NEDD9: variants seen among roughly 807,000 people sequenced by gnomAD.
The protein encoded by NEDD9 is neural precursor cell expressed, developmentally down-regulated 9.
In NEDD9, 26 loss-of-function variants were observed where a neutral mutation model predicts 76.6. That is an observed-to-expected ratio of 0.34 (90% CI 0.25 to 0.47). The LOEUF (loss-of-function observed/expected upper bound fraction) is 0.47. Ranked by LOEUF, NEDD9 falls within the 20% of genes least tolerant of loss-of-function variation. The probability of loss-of-function intolerance (pLI) is 1.00; values close to 1 mark genes in which losing one functional copy is unlikely to be tolerated. For missense variants in NEDD9, 937 were observed against 1,058.5 expected (o/e 0.89, Z 1.59); for synonymous variants, 392 against 414.2 (o/e 0.95, Z 0.65).
intron 1 of NEDD9, among the ~76,000 whole-genome samples, chr6:11,363,182 G>A (rs1762707183): frequency 6.6e-6 from 1 of 152,110 alleles, no homozygotes; most frequent in Non-Finnish European, 1.5e-5. Context: ...GCTAGCTATT[G>A]GACACTCTGC....
chr6:11,187,353 A>G (rs1442925164), intron 6 of NEDD9, among the ~76,000 whole-genome samples: 1 of 152,224 alleles, frequency 6.6e-6, no homozygotes, highest in Non-Finnish European at 1.5e-5. Context: ...TTCTAGCAAT[A>G]GTCGTCATTA....
intron 3 of NEDD9, among the ~76,000 whole-genome samples, chr6:11,296,218 T>G (rs965838053): frequency 3.3e-5 from 5 of 152,056 alleles, no homozygotes; most frequent in South Asian, 2.1e-4. Flanking sequence ...AGAGAATAAA[T>G]TTCTGTTGTT....
chr6:11,340,726 A>G (rs1200523520), intron 1 of NEDD9, among the ~76,000 whole-genome samples: 8 of 152,228 alleles, frequency 5.3e-5, no homozygotes, highest in Non-Finnish European at 1.2e-4. Context: ...AGTTTAGTCA[A>G]TAGATTCTCT....
chr6:11,189,670 A>T (rs1758078779), intron 5 of NEDD9, among the ~76,000 whole-genome samples: 1 of 152,170 alleles, frequency 6.6e-6, no homozygotes. Flanking sequence ...ACGGGATCTA[A>T]TCCAACCCCT....
At chr6:11,361,039 A>T (rs1468090654) in intron 1 of NEDD9, among the ~76,000 whole-genome samples, 2 of 152,164 alleles carry the variant, frequency 1.3e-5, no homozygotes. Flanking sequence ...CATTTTTCTT[A>T]TTGCCATTTA....
chr6:11,189,748 A>G (rs891839658), intron 5 of NEDD9, among the ~76,000 whole-genome samples: 1 of 152,170 alleles, frequency 6.6e-6, no homozygotes, highest in Non-Finnish European at 1.5e-5. Context: ...TCACACAGTA[A>G]ACGTCAGAGA....
chr6:11,328,166 T>A (rs1174002279), intron 2 of NEDD9, among the ~76,000 whole-genome samples: 1 of 152,202 alleles, frequency 6.6e-6, no homozygotes, highest in African/African-American at 2.4e-5. Context: ...ACGTGGTGCC[T>A]GGGAGTGCGT....
Position 11,221,569 on chromosome 6 carries a change from G to T in NEDD9, c.13-7842C>A, listed in dbSNP as rs548251633. Reference sequence around the variant, plus strand: ...CAGCCCAGAGGGTCTCAGATTAGCGGCAGAGCCAGAGCTAGCATCTGGTTC... The same window carrying T: ...CAGCCCAGAGGGTCTCAGATTAGCGTCAGAGCCAGAGCTAGCATCTGGTTC... On this transcript the variant is annotated intron_variant, in intron 1 of 6. Transcript: ENST00000379446. Among the ~76,000 whole-genome samples the T allele has an allele frequency of 4.1e-4, 62 of 152,188 alleles. No individual in the cohort carries two copies. In the South Asian group the frequency reaches 1.0e-2, roughly 24 times the overall value.
chr6:11,277,774 G>T (rs1486158164), intron 3 of NEDD9, among the ~76,000 whole-genome samples: 2 of 152,184 alleles, frequency 1.3e-5, no homozygotes, highest in East Asian at 3.9e-4. Flanking sequence ...TTCTACAGCG[G>T]ATGTTGTGTA....
At chr6:11,339,511 G>C (rs1379492194) in intron 1 of NEDD9, among the ~76,000 whole-genome samples, 1 of 152,156 alleles carries the variant, frequency 6.6e-6, no homozygotes, top group African/African-American at 2.4e-5. Context: ...GTTTTATACA[G>C]GTGTGGCCAA....
intron 2 of NEDD9, chr6:11,200,690 T>C (rs1317325846): frequency 8.6e-6 from 11 of 1,277,588 alleles, no homozygotes; most frequent in Non-Finnish European, 3.0e-6. Context: ...AAATGAGATC[T>C]ACGAGGCAGT....
chr6:11,317,422 A>G (rs1761602820), intron 2 of NEDD9, among the ~76,000 whole-genome samples: 1 of 151,702 alleles, frequency 6.6e-6, no homozygotes, highest in South Asian at 2.1e-4. Context: ...TCTCAAAAAA[A>G]TAAATTAAAA....
Position 11,347,820 on chromosome 6 carries a change from ACT to A in NEDD9, c.-213-13261_-213-13260del, listed in dbSNP as rs1456061459. 3.9e-5 allele frequency among the ~76,000 whole-genome samples: 6 copies of A among 152,316 alleles called. No homozygotes were observed. In the East Asian group the frequency reaches 1.2e-3, roughly 29 times the overall value. ...AAATAATAAGAGCCATCTGTGACAAACTCACAGCCAGCACATCACTGAATGGG... is the reference window on the plus strand; with the variant it reads ...AAATAATAAGAGCCATCTGTGACAAACACAGCCAGCACATCACTGAATGGG... On this transcript the variant is annotated intron_variant, in intron 1 of 3. Coordinates refer to the NEDD9 transcript ENST00000397378.
At chr6:11,317,747 C>T (rs1334034888) in intron 2 of NEDD9, among the ~76,000 whole-genome samples, 1 of 152,118 alleles carries the variant, frequency 6.6e-6, no homozygotes, top group Admixed American at 6.5e-5. Flanking sequence ...GCATGCGTGG[C>T]CAGTGCACCC....
intron 1 of NEDD9, among the ~76,000 whole-genome samples, chr6:11,353,760 G>C (rs1361079419): frequency 6.6e-6 from 1 of 152,192 alleles, no homozygotes; most frequent in African/African-American, 2.4e-5. Context: ...AATTAGAGAT[G>C]TATTACATGA....
chr6:11,193,964 AT>A (rs539885391), intron 2 of NEDD9, among the ~76,000 whole-genome samples: 230 of 151,030 alleles, frequency 1.5e-3, no homozygotes, highest in African/African-American at 4.1e-3. Context: ...GGTTCAAGTG[AT>A]TTTCCTGCCT....
chr6:11,213,814 A>G lies in NEDD9; in HGVS notation c.13-87T>C. On this transcript the variant is annotated intron_variant, in intron 1 of 6. Transcript: ENST00000379446. The surrounding 1 kb of genome is among the most constrained non-coding windows in gnomAD (Gnocchi z 5.4). ...AAGGCCCGTGCTCTTATGGAAAGGC[A>G]CACTTCCTGGAAAGAGAGAAGCATA... 2 of 1,168,436 alleles carry G rather than the reference A, an allele frequency of 1.7e-6. No homozygotes were observed. Among genetic ancestry groups the G allele is most frequent in the Non-Finnish European group, 1.2e-6 (1 of 815,778 alleles). The allele number at this position is 1,168,436 out of a possible 1,614,324, so 72.4% of individuals were successfully genotyped here.
chr6:11,327,317 T>C (rs1418016186), intron 2 of NEDD9, among the ~76,000 whole-genome samples: 1 of 152,236 alleles, frequency 6.6e-6, no homozygotes, highest in Non-Finnish European at 1.5e-5. Context: ...CTGAGTGATA[T>C]ATAATGAGTG....
chr6:11,320,974 A>G (rs1446631178), intron 2 of NEDD9, among the ~76,000 whole-genome samples: 1 of 152,010 alleles, frequency 6.6e-6, no homozygotes, highest in East Asian at 1.9e-4. Context: ...CAGGAATAGC[A>G]AAGAGACTTT....
Sources: gnomAD v4.1 joint callset for allele counts (sites outside exome capture counted in the v4.1 genomes callset) on GRCh38, gnomAD v4.1.1 for gene constraint, Gnocchi (gnomAD v3.1) non-coding constraint, MANE v1.5 for transcripts, NCBI Gene and HGNC (gene_info 2026-07-23, HGNC 2026-07-21) for gene names.